Variants in BRINP3 observed in about 807,000 individuals in gnomAD.
BRINP3 encodes BMP/retinoic acid inducible neural specific 3, also known as BMP/retinoic acid-inducible neural-specific protein 3.
Under a neutral mutation model 71.0 loss-of-function variants are expected in BRINP3, and 19 were observed. That is an observed-to-expected ratio of 0.27 (90% CI 0.19 to 0.39). The LOEUF (loss-of-function observed/expected upper bound fraction) is 0.39. Ranked by LOEUF, BRINP3 falls within the 10% of genes least tolerant of loss-of-function variation. The pLI is 1.00. For missense variants in BRINP3, 959 were observed against 940.8 expected, an observed-to-expected ratio of 1.02 and a Z score of -0.25; for synonymous variants, 380 against 337.7, an observed-to-expected ratio of 1.13 and a Z score of -1.37.
At chr1:190,383,165 G>A (rs1046131204) in intron 2 of BRINP3, among the ~76,000 whole-genome samples, 2 of 151,992 alleles carry the variant, frequency 1.3e-5, no homozygotes, top group African/African-American at 2.4e-5. Flanking sequence ...GTATGAGATC[G>A]TTAACAAAGT....
chr1:190,343,601 A>T (rs1191549705), intron 2 of BRINP3, among the ~76,000 whole-genome samples: 2 of 151,714 alleles, frequency 1.3e-5, no homozygotes, highest in Non-Finnish European at 3.0e-5. Context: ...TACTTTTATT[A>T]TTATCATTAC....
intron 2 of BRINP3, among the ~76,000 whole-genome samples, chr1:190,393,002 G>A (rs1340407546): frequency 6.6e-6 from 1 of 151,540 alleles, no homozygotes; most frequent in African/African-American, 2.4e-5. Context: ...ATAAAAAGCT[G>A]TGAAGAGTAT....
Position 190,454,918 on chromosome 1 carries a change from TTC to T in BRINP3, c.-30_-29del, listed in dbSNP as rs1432764600. The T allele has an allele frequency of 1.3e-6, 2 of 1,577,692 alleles. No homozygotes were observed. Among genetic ancestry groups the T allele is most frequent in the Non-Finnish European group, 1.7e-6 (2 of 1,148,990 alleles). On this transcript the variant is annotated 5_prime_UTR_variant, in exon 2 of 8. Transcript: ENST00000367462. ...TTCCACTGGGGATTTAGAGCCTTCA[TTC>T]TCTCAGCTTTCCCTCAACACCTAGA...
chr1:190,104,886 T>G (rs566265209), intron 7 of BRINP3, among the ~76,000 whole-genome samples: 2 of 152,266 alleles, frequency 1.3e-5, no homozygotes, highest in South Asian at 4.1e-4. Context: ...ATCTGTGCAA[T>G]GTGGATACAA....
chr1:190,099,863 A>AT (rs1046259589), intron 7 of BRINP3, among the ~76,000 whole-genome samples: 1 of 151,900 alleles, frequency 6.6e-6, no homozygotes, highest in African/African-American at 2.4e-5. Context: ...AGTCATTAAC[A>AT]TTTTTTTTCT....
intron 2 of BRINP3, among the ~76,000 whole-genome samples, chr1:190,304,510 T>C (rs1270302292): frequency 6.6e-6 from 1 of 151,742 alleles, no homozygotes; most frequent in Non-Finnish European, 1.5e-5. Flanking sequence ...ACAAAGGTGC[T>C]AAGAACACAC....
chr1:190,400,816 G>A (rs1671872459), intron 2 of BRINP3, among the ~76,000 whole-genome samples: 1 of 152,150 alleles, frequency 6.6e-6, no homozygotes, highest in African/African-American at 2.4e-5. Flanking sequence ...TAATTCCCTT[G>A]TGGTGACATT....
At chr1:190,421,167 A>C (rs16832316) in intron 2 of BRINP3, among the ~76,000 whole-genome samples, 21,577 of 151,410 alleles carry the variant, frequency 0.14, 1,653 homozygotes, top group African/African-American at 0.17. Flanking sequence ...AATTCTCCAT[A>C]TGTATTCACA....
chr1:190,252,350 A>G lies in BRINP3; in HGVS notation c.618+12515T>C, dbSNP rs138202762. Among the ~76,000 whole-genome samples the G allele has an allele frequency of 3.1e-3, 470 of 152,186 alleles. 3 individuals are homozygous for G. Among genetic ancestry groups the G allele is most frequent in the Non-Finnish European group, 4.9e-3 (335 of 67,982 alleles). On this transcript the variant is annotated intron_variant, in intron 4 of 7. Transcript: ENST00000367462. Reference sequence around the variant, plus strand: ...TAGAATATACAGAATTATTATAAAAATAGATAGCAACTGTGTGTTGTTAAA... The same window carrying G: ...TAGAATATACAGAATTATTATAAAAGTAGATAGCAACTGTGTGTTGTTAAA...
chr1:190,140,504 CTAT>C (rs1361558279), intron 7 of BRINP3, among the ~76,000 whole-genome samples: 1 of 152,042 alleles, frequency 6.6e-6, no homozygotes, highest in African/African-American at 2.4e-5. Context: ...TATAAACCTA[CTAT>C]TAATTATTAA....
At chr1:190,399,647 C>T (rs188743641) in intron 2 of BRINP3, among the ~76,000 whole-genome samples, 8 of 152,036 alleles carry the variant, frequency 5.3e-5, no homozygotes, top group South Asian at 2.1e-4. Flanking sequence ...GTGTCGACCA[C>T]CATGTACTGA....
chr1:190,335,804 C>T (rs1202539081), intron 2 of BRINP3, among the ~76,000 whole-genome samples: 1 of 151,960 alleles, frequency 6.6e-6, no homozygotes, highest in Non-Finnish European at 1.5e-5. Flanking sequence ...TGTCTAGTTT[C>T]ATCTCTAACA....
At chr1:190,100,231 T>G (rs1043761049) in intron 7 of BRINP3, among the ~76,000 whole-genome samples, 1 of 152,230 alleles carries the variant, frequency 6.6e-6, no homozygotes, top group Non-Finnish European at 1.5e-5. Flanking sequence ...GGTATTCTTA[T>G]GCTTTTTTGG....
At chr1:190,105,681 G>A (rs1652090865) in intron 7 of BRINP3, among the ~76,000 whole-genome samples, 1 of 152,126 alleles carries the variant, frequency 6.6e-6, no homozygotes, top group East Asian at 1.9e-4. Flanking sequence ...ATGAACTGAT[G>A]TAATTCAAAT....
At chr1:190,471,611 A>G (rs1266524745) in intron 1 of BRINP3, among the ~76,000 whole-genome samples, 2 of 151,426 alleles carry the variant, frequency 1.3e-5, no homozygotes, top group African/African-American at 2.4e-5. Flanking sequence ...TAAACTTTAT[A>G]TGAGTTTGTA....
chr1:190,129,090 C>T (rs1320276740), intron 7 of BRINP3, among the ~76,000 whole-genome samples: 2 of 151,762 alleles, frequency 1.3e-5, no homozygotes, highest in African/African-American at 4.8e-5. Flanking sequence ...TACATATCTC[C>T]TTTTCCAAAG....
chr1:190,470,251 T>C (rs1677041542), intron 1 of BRINP3, among the ~76,000 whole-genome samples: 1 of 151,060 alleles, frequency 6.6e-6, no homozygotes, highest in South Asian at 2.1e-4. Flanking sequence ...GAAAAATAAG[T>C]CTATCTATAA....
chr1:190,431,746 C>T (rs2102510523), intron 2 of BRINP3, among the ~76,000 whole-genome samples: 1 of 152,204 alleles, frequency 6.6e-6, no homozygotes, highest in East Asian at 1.9e-4. Context: ...AATGAACACA[C>T]ACATGCTCAG....
intron 7 of BRINP3, among the ~76,000 whole-genome samples, chr1:190,099,872 C>G (rs748801727): frequency 1.3e-5 from 2 of 152,004 alleles, no homozygotes; most frequent in African/African-American, 4.8e-5. Flanking sequence ...CATTTTTTTT[C>G]TCATCAGGTT....
Sources: gnomAD v4.1 joint callset for allele counts (sites outside exome capture counted in the v4.1 genomes callset) on GRCh38, gnomAD v4.1.1 for gene constraint, MANE v1.5 for transcripts, NCBI Gene and HGNC (gene_info 2026-07-23, HGNC 2026-07-21) for gene names.